Variants in LRRC7 observed in about 807,000 individuals in gnomAD.
LRRC7 encodes leucine-rich repeat-containing protein 7.
A neutral mutation model predicts 175.7 loss-of-function variants in LRRC7; 23 were observed. The observed-to-expected ratio is 0.13, with a 90% CI of 0.09 to 0.19. LRRC7 has a LOEUF of 0.19. Among genes scored for constraint, LRRC7 ranks in the 10% least tolerant of loss-of-function variants. The pLI, the probability that LRRC7 is intolerant of heterozygous loss-of-function variation, is 1.00. For missense variants in LRRC7, 1,354 were observed against 1,904.7 expected, an observed-to-expected ratio of 0.71 and a Z score of 5.38; for synonymous variants, 685 against 680.9, an observed-to-expected ratio of 1.01 and a Z score of -0.09.
At chr1:69,845,393 T>C (rs1365147634) in intron 7 of LRRC7, among the ~76,000 whole-genome samples, 1 of 152,146 alleles carries the variant, frequency 6.6e-6, no homozygotes, top group Non-Finnish European at 1.5e-5. Flanking sequence ...TAATTATCAC[T>C]CAAATTTCTA....
chr1:69,646,221 T>G (rs1220609546), intron 1 of LRRC7, among the ~76,000 whole-genome samples: 1 of 152,194 alleles, frequency 6.6e-6, no homozygotes, highest in East Asian at 1.9e-4. Context: ...GCTAGAGCCT[T>G]ATATATTTAT....
At chr1:69,862,094 C>T (rs1404140624) in intron 7 of LRRC7, among the ~76,000 whole-genome samples, 1 of 152,176 alleles carries the variant, frequency 6.6e-6, no homozygotes, top group Non-Finnish European at 1.5e-5. Context: ...CTTGGATGGT[C>T]ATTAGCACAC....
chr1:69,617,547 T>TAAAAAAAAAAAAAAAAAAAAAAAAGAAA, intron 1 of LRRC7, among the ~76,000 whole-genome samples: 1 of 62,008 alleles, frequency 1.6e-5, no homozygotes, highest in Non-Finnish European at 3.0e-5. Context: ...ATACTCACAG[T>TAAAAAAAAAAAAAAAAAAAAAAAAGAAA]AAAAAAAAAA....
At chr1:69,594,621 T>C (rs1249051935) in intron 1 of LRRC7, among the ~76,000 whole-genome samples, 1 of 152,206 alleles carries the variant, frequency 6.6e-6, no homozygotes, top group Non-Finnish European at 1.5e-5. Context: ...TCGTCCATAC[T>C]CCATCCGTAC....
chr1:69,955,750 T>C (rs986170725), intron 8 of LRRC7, among the ~76,000 whole-genome samples: 1 of 151,984 alleles, frequency 6.6e-6, no homozygotes, highest in Non-Finnish European at 1.5e-5. Context: ...GCAATTTTTT[T>C]TCAGTGACAA....
At chr1:69,847,044 A>G (rs1682448931) in intron 7 of LRRC7, among the ~76,000 whole-genome samples, 1 of 152,118 alleles carries the variant, frequency 6.6e-6, no homozygotes, top group African/African-American at 2.4e-5. Context: ...GTTTAACTAA[A>G]TGATCTAGTT....
intron 2 of LRRC7, among the ~76,000 whole-genome samples, chr1:69,685,979 C>T (rs1661093022): frequency 6.6e-6 from 1 of 150,572 alleles, no homozygotes; most frequent in African/African-American, 2.4e-5. Flanking sequence ...TTAAAACAGC[C>T]AGAGTGCAAT....
At chr1:70,062,168 A>G (rs1661629411) in intron 23 of LRRC7, among the ~76,000 whole-genome samples, 1 of 152,168 alleles carries the variant, frequency 6.6e-6, no homozygotes, top group Non-Finnish European at 1.5e-5. Flanking sequence ...CCTGCCTATC[A>G]AATCTATGCC....
intron 2 of LRRC7, among the ~76,000 whole-genome samples, chr1:69,748,055 T>G (rs760852589): frequency 4.6e-5 from 7 of 152,190 alleles, no homozygotes; most frequent in Non-Finnish European, 7.3e-5. Context: ...ATAAAGTAAC[T>G]GCCTAAATTT....
chr1:69,981,612 C>G (rs1006263210), intron 9 of LRRC7, among the ~76,000 whole-genome samples: 1 of 152,096 alleles, frequency 6.6e-6, no homozygotes, highest in East Asian at 1.9e-4. Context: ...GTTTGAGAAG[C>G]TCGCACATAG....
chr1:70,101,505 C>G (rs672961), intron 25 of LRRC7, among the ~76,000 whole-genome samples: 150,525 of 152,296 alleles, frequency 0.99, 74,454 homozygotes, highest in African/African-American at 1. Flanking sequence ...GCCATATAAA[C>G]TTCCTTTCTC....
chr1:70,064,310 T>C (rs958078682), intron 23 of LRRC7, among the ~76,000 whole-genome samples: 1 of 152,026 alleles, frequency 6.6e-6, no homozygotes, highest in Middle Eastern at 3.4e-3. Flanking sequence ...GTTGTTATAA[T>C]CAGAAAAAGA....
At chr1:70,072,553 G>A (rs1209954005) in intron 23 of LRRC7, among the ~76,000 whole-genome samples, 3 of 151,170 alleles carry the variant, frequency 2.0e-5, no homozygotes, top group Admixed American at 6.7e-5. Context: ...ATTCATCACA[G>A]CCTATAGCCC....
chr1:69,935,398 A>G (rs1006845934), intron 8 of LRRC7, among the ~76,000 whole-genome samples: 27 of 152,176 alleles, frequency 1.8e-4, no homozygotes, highest in African/African-American at 6.5e-4. Context: ...TCTACCTACC[A>G]AATTGGAATT....
At chr1:70,078,834 A>G (rs942796178) in intron 24 of LRRC7, among the ~76,000 whole-genome samples, 56 of 151,844 alleles carry the variant, frequency 3.7e-4, no homozygotes, top group Non-Finnish European at 5.2e-4. Context: ...GCACACACAC[A>G]CACACACACA....
intron 7 of LRRC7, among the ~76,000 whole-genome samples, chr1:69,899,444 G>A (rs1646072658): frequency 6.6e-6 from 1 of 152,058 alleles, no homozygotes; most frequent in Non-Finnish European, 1.5e-5. Flanking sequence ...CCAATAAAAA[G>A]AAAAAATTAC....
rs569697838 is a variant in LRRC7, at chr1:69,661,227, C to T, written c.3-17154C>T. 9.2e-5 allele frequency among the ~76,000 whole-genome samples: 14 copies of T among 152,250 alleles called. 1 individual carries two copies. The South Asian group carries it at 1.0e-3, about 11-fold the overall frequency. ...AGAACTATGTGATGTCCACTGACCA[C>T]TTCAAGCTGCTAGTATATTCACTCA... On this transcript the variant is annotated intron_variant, in intron 1 of 26. Transcript: ENST00000651989.
At chr1:69,685,273 A>C (rs1660998066) in intron 2 of LRRC7, among the ~76,000 whole-genome samples, 1 of 152,248 alleles carries the variant, frequency 6.6e-6, no homozygotes, top group South Asian at 2.1e-4. Context: ...AAAAGGTTTC[A>C]ATAGGGTTAA....
intron 7 of LRRC7, among the ~76,000 whole-genome samples, chr1:69,859,092 C>T (rs1010593155): frequency 1.3e-5 from 2 of 152,058 alleles, no homozygotes; most frequent in Non-Finnish European, 2.9e-5. Flanking sequence ...TATTCATAAA[C>T]AGAAATAAAT....
Sources: gnomAD v4.1 joint callset for allele counts (sites outside exome capture counted in the v4.1 genomes callset) on GRCh38, gnomAD v4.1.1 for gene constraint, MANE v1.5 for transcripts, NCBI Gene and HGNC (gene_info 2026-07-23, HGNC 2026-07-21) for gene names.